BMP5: variants seen among roughly 807,000 people sequenced by gnomAD.
BMP5 encodes the protein bone morphogenetic protein 5.
A neutral mutation model predicts 46.6 loss-of-function variants in BMP5; 23 were observed. That is an observed-to-expected ratio of 0.49 (90% CI 0.35 to 0.70). BMP5 has a LOEUF of 0.70. BMP5 is among the 30% of genes least tolerant of loss of function. The pLI is 0.00. For missense variants in BMP5, 545 were observed against 565.6 expected (o/e 0.96, Z 0.37); for synonymous variants, 204 against 191.9 (o/e 1.06, Z -0.52).
At chr6:55,871,033 G>A (rs1462749987) in intron 1 of BMP5, among the ~76,000 whole-genome samples, 1 of 151,832 alleles carries the variant, frequency 6.6e-6, no homozygotes, top group African/African-American at 2.4e-5. Context: ...TCATTATGGT[G>A]ATAATGTCAC....
intron 1 of BMP5, among the ~76,000 whole-genome samples, chr6:55,856,181 G>A (rs1361766613): frequency 6.6e-6 from 1 of 152,148 alleles, no homozygotes; most frequent in Non-Finnish European, 1.5e-5. Context: ...TTAGCTAGAT[G>A]TATTTTAGGT....
At chr6:55,808,011 G>T (rs977488130) in intron 2 of BMP5, among the ~76,000 whole-genome samples, 3 of 152,170 alleles carry the variant, frequency 2.0e-5, no homozygotes, top group Non-Finnish European at 4.4e-5. Flanking sequence ...CTTGATGGAG[G>T]AGGTGTACTT....
At chr6:55,759,998 T>C (rs1196542343) in intron 5 of BMP5, among the ~76,000 whole-genome samples, 1 of 151,870 alleles carries the variant, frequency 6.6e-6, no homozygotes, top group Non-Finnish European at 1.5e-5. Flanking sequence ...TTCCTCCTCA[T>C]CCTGTTTCTA....
chr6:55,862,332 C>A (rs1195912765), intron 1 of BMP5, among the ~76,000 whole-genome samples: 1 of 152,144 alleles, frequency 6.6e-6, no homozygotes, highest in African/African-American at 2.4e-5. Flanking sequence ...GCCCAATCCC[C>A]AATACCGTAA....
intron 1 of BMP5, among the ~76,000 whole-genome samples, chr6:55,851,248 A>G (rs964700129): frequency 4.1e-5 from 6 of 147,992 alleles, no homozygotes; most frequent in African/African-American, 1.5e-4. Flanking sequence ...TCTCTGTGCT[A>G]TTTTTTCTTT....
intron 1 of BMP5, among the ~76,000 whole-genome samples, chr6:55,843,017 G>A (rs1444020859): frequency 6.6e-6 from 1 of 151,932 alleles, no homozygotes; most frequent in African/African-American, 2.4e-5. Context: ...AGCCTCCTAA[G>A]AATAAACATC....
At chr6:55,867,750 C>T (rs931359504) in intron 1 of BMP5, among the ~76,000 whole-genome samples, 1 of 152,120 alleles carries the variant, frequency 6.6e-6, no homozygotes, top group Non-Finnish European at 1.5e-5. Context: ...GATTATGTAG[C>T]TGCTCATGCA....
intron 5 of BMP5, among the ~76,000 whole-genome samples, chr6:55,760,071 C>T (rs1170715960): frequency 6.6e-6 from 1 of 151,906 alleles, no homozygotes; most frequent in Admixed American, 6.6e-5. Flanking sequence ...CTGTCATCTT[C>T]CCCATGACAG....
intron 2 of BMP5, among the ~76,000 whole-genome samples, chr6:55,814,966 C>T (rs1776220508): frequency 6.6e-6 from 1 of 151,932 alleles, no homozygotes; most frequent in Non-Finnish European, 1.5e-5. Context: ...AATCCCCTCT[C>T]TACTAAAAAT....
intron 4 of BMP5, among the ~76,000 whole-genome samples, chr6:55,762,739 A>G (rs754662906): frequency 5.3e-5 from 8 of 152,170 alleles, no homozygotes; most frequent in Admixed American, 1.3e-4. Flanking sequence ...AAAACGGGGA[A>G]AAACAAATGT....
In BMP5 at chr6:55,819,566, T is replaced by C. The variant is rs1364965665; in HGVS notation, c.683+89A>G. 2.8e-6 allele frequency: 3 copies of C among 1,071,024 alleles called. No individual in the cohort carries two copies. In the African/African-American group the frequency reaches 4.8e-5, roughly 17 times the overall value. 66.3% of individuals were successfully genotyped at this position (1,071,024 alleles called of 1,614,324 possible). ...CTACATTGCCCCCAAAAAAATAATT[T>C]GTTTGATAGATCACATGAGTTATCA... is the stretch of plus-strand genomic sequence containing the variant. On this transcript the variant is annotated intron_variant, in intron 2 of 6. Transcript: ENST00000370830.
At chr6:55,858,202 T>C (rs1439669362) in intron 1 of BMP5, among the ~76,000 whole-genome samples, 1 of 152,268 alleles carries the variant, frequency 6.6e-6, no homozygotes, top group Non-Finnish European at 1.5e-5. Context: ...ATTCTAAAAC[T>C]CTAACTCCTT....
intron 1 of BMP5, among the ~76,000 whole-genome samples, chr6:55,820,274 T>C (rs1280639116): frequency 6.6e-6 from 1 of 151,928 alleles, no homozygotes; most frequent in African/African-American, 2.4e-5. Context: ...GAGGACTGAG[T>C]TGCAAGTATA....
intron 4 of BMP5, among the ~76,000 whole-genome samples, chr6:55,773,115 T>A (rs1775085661): frequency 6.6e-6 from 1 of 151,894 alleles, no homozygotes; most frequent in African/African-American, 2.4e-5. Flanking sequence ...ATCATGTATC[T>A]TTTGCTTATT....
chr6:55,755,502 A>G lies in BMP5; in HGVS notation c.*31T>C. The G allele has an allele frequency of 6.3e-7, 1 of 1,585,986 alleles. No individual in the cohort carries two copies. Among genetic ancestry groups the G allele is most frequent in the Non-Finnish European group, 8.6e-7 (1 of 1,157,364 alleles). ...ATTGCAGCCATAAACCTTAATACAG[A>G]TCTTTTTGTTATTATCAATATTATT... On this transcript the variant is annotated 3_prime_UTR_variant, in exon 7 of 7. Transcript: ENST00000370830.
At chr6:55,774,729 C>T (rs1775130606) in intron 3 of BMP5, among the ~76,000 whole-genome samples, 1 of 151,950 alleles carries the variant, frequency 6.6e-6, no homozygotes, top group Admixed American at 6.6e-5. Context: ...TTTCCACCTT[C>T]ACTTCTGGCC....
intron 3 of BMP5, among the ~76,000 whole-genome samples, chr6:55,786,615 T>C (rs228153): frequency 0.99 from 150,546 of 151,728 alleles, 74,686 homozygotes; most frequent in Middle Eastern, 1. Context: ...TTCTGCTGTC[T>C]TCCTAATTTA....
Position 55,753,959 on chromosome 6 carries a change from A to T in BMP5, c.*1574T>A, listed in dbSNP as rs192843827. The T allele has an allele frequency of 9.9e-5, 15 of 152,110 alleles. No individual in the cohort carries two copies. Among genetic ancestry groups the T allele is most frequent in the African/African-American group, 3.6e-4 (15 of 41,546 alleles). The allele number at this position is 152,110 out of a possible 1,614,324, so 9.4% of individuals were successfully genotyped here. ...TTCTCTCAATGGTACACCATTAATT[A>T]AAAATATATTACTTAATGTACCCCT... On this transcript the variant is annotated 3_prime_UTR_variant, in exon 7 of 7. Coordinates refer to ENST00000370830, the MANE Select transcript of BMP5 (RefSeq NM_021073.4).
At chr6:55,817,323 C>T (rs1326268260) in intron 2 of BMP5, among the ~76,000 whole-genome samples, 1 of 152,128 alleles carries the variant, frequency 6.6e-6, no homozygotes, top group Non-Finnish European at 1.5e-5. Flanking sequence ...CAGCACTATT[C>T]ACAATAGCAA....
Sources: allele counts gnomAD v4.1 joint callset (sites outside exome capture counted in the v4.1 genomes callset), GRCh38; gene constraint gnomAD v4.1.1; transcripts MANE v1.5; gene names NCBI Gene and HGNC (gene_info 2026-07-23, HGNC 2026-07-21).